The following TBC1D22A variants were observed in gnomAD, a reference collection of about 807,000 sequenced individuals.
TBC1D22A encodes TBC1 domain family member 22A.
TBC1D22A carries 38 observed loss-of-function variants against 60.2 expected under a neutral mutation model. The ratio of observed to expected loss-of-function variants is 0.63; its 90% CI spans 0.49 to 0.83. The LOEUF is 0.83. Ranked by LOEUF, TBC1D22A falls within the 40% of genes least tolerant of loss-of-function variation. The pLI is 0.00. For missense variants in TBC1D22A, 628 were observed against 701.0 expected, an observed-to-expected ratio of 0.90 and a Z score of 1.18; for synonymous variants, 302 against 281.7, an observed-to-expected ratio of 1.07 and a Z score of -0.72.
At chr22:47,124,105 G>A (rs1171475153) in intron 12 of TBC1D22A, among the ~76,000 whole-genome samples, 2 of 152,220 alleles carry the variant, frequency 1.3e-5, no homozygotes, top group African/African-American at 4.8e-5. Context: ...TCCTTGTGTG[G>A]GAGCGGCAGA....
Position 46,896,377 on chromosome 22 carries a change from A to C in TBC1D22A, c.900+1531A>C, listed in dbSNP as rs542156906. Reference sequence around the variant, plus strand: ...TGTTAGCTCTAGTGTGGTTGAACTTAACAGTCTTTTAAGGTGAGCACTGAT... The same window carrying C: ...TGTTAGCTCTAGTGTGGTTGAACTTCACAGTCTTTTAAGGTGAGCACTGAT... On this transcript the variant is annotated intron_variant, in intron 7 of 12. Transcript: ENST00000337137. Among the ~76,000 whole-genome samples, 16 of 152,244 alleles carry C rather than the reference A, an allele frequency of 1.1e-4. No individual in the cohort carries two copies. In the South Asian group the frequency reaches 3.1e-3, roughly 30 times the overall value.
At chr22:47,146,089 T>C (rs996530986) in intron 12 of TBC1D22A, among the ~76,000 whole-genome samples, 2 of 149,750 alleles carry the variant, frequency 1.3e-5, no homozygotes, top group Admixed American at 6.6e-5. Flanking sequence ...AAGCAGGGGT[T>C]GACTGGGGGC....
intron 8 of TBC1D22A, among the ~76,000 whole-genome samples, chr22:46,955,460 A>G (rs2073137194): frequency 6.6e-6 from 1 of 152,152 alleles, no homozygotes; most frequent in African/African-American, 2.4e-5. Context: ...CAGAGGCCGT[A>G]TTTGCATTTT....
At chr22:47,099,074 A>G (rs73475484) in intron 11 of TBC1D22A, among the ~76,000 whole-genome samples, 3,280 of 152,308 alleles carry the variant, frequency 0.022, 94 homozygotes, top group African/African-American at 0.074. Context: ...AGGGGTCCCA[A>G]TGCCAAGGCT....
At chr22:47,019,099 T>G (rs911896015) in intron 10 of TBC1D22A, among the ~76,000 whole-genome samples, 2 of 152,150 alleles carry the variant, frequency 1.3e-5, no homozygotes, top group African/African-American at 4.8e-5. Context: ...CTCCCGCGCC[T>G]CCCAGCTGGC....
chr22:46,910,567 G>A lies in TBC1D22A; in HGVS notation c.901-1507G>A, dbSNP rs977396861. On this transcript the variant is annotated intron_variant, in intron 7 of 12. Transcript: ENST00000337137. ...TGTATGGACAGGCCTGGACAGAGCA[G>A]TTGGGCCTGGCCTTAGCTGGCAGGC... Among the ~76,000 whole-genome samples the A allele has an allele frequency of 5.3e-5, 8 of 152,200 alleles. No homozygotes were observed. The South Asian group carries it at 8.3e-4, about 16-fold the overall frequency.
intron 11 of TBC1D22A, among the ~76,000 whole-genome samples, chr22:47,059,610 A>G (rs1409854207): frequency 6.6e-6 from 1 of 152,188 alleles, no homozygotes; most frequent in Non-Finnish European, 1.5e-5. Context: ...ATGAAGAATT[A>G]CCGATCTCCT....
At chr22:47,000,355 T>G (rs1360347859) in intron 10 of TBC1D22A, among the ~76,000 whole-genome samples, 1 of 152,010 alleles carries the variant, frequency 6.6e-6, no homozygotes, top group African/African-American at 2.4e-5. Flanking sequence ...TGCATCACTC[T>G]TGTTTTCTTG....
At chr22:47,059,745 G>A (rs61119462) in intron 11 of TBC1D22A, among the ~76,000 whole-genome samples, 219 of 152,242 alleles carry the variant, frequency 1.4e-3, no homozygotes, top group African/African-American at 4.9e-3. Flanking sequence ...GCATCCCTGC[G>A]CTTTCAGGTC....
chr22:46,856,437 A>G, intron 4 of TBC1D22A, among the ~76,000 whole-genome samples: 1 of 152,250 alleles, frequency 6.6e-6, no homozygotes. Context: ...ACTGAGTCCA[A>G]CTGGAAAGTA....
chr22:47,082,335 T>G (rs1297969960), intron 11 of TBC1D22A, among the ~76,000 whole-genome samples: 1 of 152,150 alleles, frequency 6.6e-6, no homozygotes, highest in Non-Finnish European at 1.5e-5. Context: ...CAACTAAGTT[T>G]GAGAACTTCT....
At chr22:47,042,993 C>T (rs956418778) in intron 11 of TBC1D22A, among the ~76,000 whole-genome samples, 1 of 152,196 alleles carries the variant, frequency 6.6e-6, no homozygotes, top group Non-Finnish European at 1.5e-5. Flanking sequence ...CACCTTGGGC[C>T]CCGAATCACT....
intron 12 of TBC1D22A, among the ~76,000 whole-genome samples, chr22:47,154,212 CT>C (rs1208585505): frequency 2.6e-5 from 4 of 152,142 alleles, no homozygotes; most frequent in African/African-American, 9.7e-5. Context: ...CTGTGTGCCC[CT>C]GTCACCCTCC....
chr22:47,135,772 C>T (rs1468733984), intron 12 of TBC1D22A, among the ~76,000 whole-genome samples: 2 of 152,226 alleles, frequency 1.3e-5, no homozygotes, highest in African/African-American at 2.4e-5. Context: ...CTAGGCAGGG[C>T]GTGTGCGGAG....
intron 1 of TBC1D22A, among the ~76,000 whole-genome samples, chr22:46,765,778 C>CTTTT (rs61163963): frequency 3.1e-5 from 4 of 131,066 alleles, no homozygotes; most frequent in African/African-American, 5.8e-5. Flanking sequence ...TGTTTTCCTC[C>CTTTT]TTTTTTTTTT....
intron 10 of TBC1D22A, among the ~76,000 whole-genome samples, chr22:47,020,762 C>T (rs559473757): frequency 4.0e-5 from 6 of 151,750 alleles, no homozygotes; most frequent in African/African-American, 1.5e-4. Context: ...GGTGTCATCC[C>T]CTCTCCTGGA....
At chr22:46,799,540 C>T (rs2084807885) in intron 4 of TBC1D22A, among the ~76,000 whole-genome samples, 1 of 152,236 alleles carries the variant, frequency 6.6e-6, no homozygotes, top group African/African-American at 2.4e-5. Flanking sequence ...TCCATAGTCA[C>T]ATTCTGCCAG....
intron 4 of TBC1D22A, among the ~76,000 whole-genome samples, chr22:46,865,590 C>T (rs1291572704): frequency 6.6e-6 from 1 of 152,104 alleles, no homozygotes; most frequent in African/African-American, 2.4e-5. Flanking sequence ...TATCAGTATC[C>T]CCAAGGGAAA....
intron 4 of TBC1D22A, among the ~76,000 whole-genome samples, chr22:46,807,059 C>T (rs940168653): frequency 1.3e-5 from 2 of 152,234 alleles, no homozygotes; most frequent in African/African-American, 4.8e-5. Flanking sequence ...TCTTCCTGCT[C>T]AACCGCAGAT....
Sources: allele counts gnomAD v4.1 joint callset (sites outside exome capture counted in the v4.1 genomes callset), GRCh38; gene constraint gnomAD v4.1.1; transcripts MANE v1.5; gene names NCBI Gene and HGNC (gene_info 2026-07-23, HGNC 2026-07-21).